SCART1: variants seen among roughly 807,000 people sequenced by gnomAD.
The protein encoded by SCART1 is scavenger receptor cysteine-rich domain-containing protein SCART1.
A neutral mutation model predicts 36.2 loss-of-function variants in SCART1; 62 were observed. The observed-to-expected ratio is 1.71, with a 90% confidence interval of 1.40 to 2.12. The LOEUF is 2.12. SCART1 is among the 30% of genes most tolerant of loss of function. The probability of loss-of-function intolerance (pLI) is 0.00; values close to 1 mark genes in which losing one functional copy is unlikely to be tolerated. For missense variants in SCART1, 1,041 were observed against 540.5 expected (o/e 1.93, Z -9.18); for synonymous variants, 487 against 238.7 (o/e 2.04, Z -9.59).
intron 2 of SCART1, 131 bp downstream of exon 2, chr10:133,456,685 G>T: frequency 1.7e-6 from 1 of 588,296 alleles, no homozygotes; most frequent in Non-Finnish European, 3.0e-6. Context: ...GAGGCTGTGG[G>T]TCTGGAGCTC....
At chr10:133,454,661 T>C (rs1589932587) in intron 1 of SCART1, among the ~76,000 whole-genome samples, 2 of 151,608 alleles carry the variant, frequency 1.3e-5, no homozygotes, top group Non-Finnish European at 2.9e-5. Context: ...ATGATGTGAG[T>C]GTGGGGCTGG....
At chr10:133,457,302 C>A (rs1192882702) in exon 3 of SCART1, 3 of 700,820 alleles carry the variant, frequency 4.3e-6, no homozygotes, top group Non-Finnish European at 5.2e-6. Flanking sequence ...GGAGCTCCGG[C>A]TGGTGAAGGG....
In SCART1 at chr10:133,459,284, C is replaced by G. The variant is rs1176279628; in HGVS notation, c.1243C>G (p.Pro415Ala). ...TTGCCCAGTAAGCACCCTGGGGGCC[C>G]CGGCCTGTGCCCCGGGAAACACAGC... The change falls in exon 5 of 12, where the codon CCG becomes GCG. Residue 415 changes from proline to alanine, a missense_variant. Pro to Ala is a conservative substitution (Grantham distance 27). Coordinates refer to ENST00000640237, the Ensembl canonical transcript of SCART1. 9.2e-6 allele frequency: 6 copies of G among 651,312 alleles called. No homozygotes were observed. In the African/African-American group the frequency reaches 1.1e-4, roughly 12 times the overall value. The allele number at this position is 651,312 out of a possible 1,614,324, so 40.3% of individuals were successfully genotyped here.
chr10:133,454,992 C>A (rs776563536), intron 1 of SCART1, among the ~76,000 whole-genome samples: 30 of 152,236 alleles, frequency 2.0e-4, no homozygotes, highest in Admixed American at 7.2e-4. Context: ...TCATAGCGGG[C>A]GTGGTGGCTT....
intron 1 of SCART1, among the ~76,000 whole-genome samples, chr10:133,455,855 G>A (rs963574162): frequency 6.6e-6 from 1 of 152,068 alleles, no homozygotes; most frequent in African/African-American, 2.4e-5. Flanking sequence ...CGTGGGTGGG[G>A]CAGGTGTGAC....
At chr10:133,456,368 A>G in exon 2 of SCART1, 2 of 702,920 alleles carry the variant, frequency 2.8e-6, no homozygotes, top group Non-Finnish European at 5.2e-6. Context: ...TGTCGTGTGC[A>G]GGCAGCTGGG....
exon 3 of SCART1, chr10:133,457,384 T>C: frequency 1.4e-6 from 1 of 701,582 alleles, no homozygotes; most frequent in South Asian, 1.5e-5. Flanking sequence ...GTCCTGCATG[T>C]GGAGGAGGCC....
At chr10:133,465,858 C>T in intron 9 of SCART1, 1 of 691,798 alleles carries the variant, frequency 1.4e-6, no homozygotes, top group South Asian at 1.5e-5. Flanking sequence ...GTTCCCTGCA[C>T]CTCATTCTCT....
chr10:133,456,362 G>T (rs377505334), exon 2 of SCART1: 8 of 702,832 alleles, frequency 1.1e-5, no homozygotes, highest in East Asian at 5.4e-5. Context: ...GGCCTCTGTC[G>T]TGTGCAGGCA....
At chr10:133,466,981 C>T (rs1235171795) in intron 10 of SCART1, 1 of 472,964 alleles carries the variant, frequency 2.1e-6, no homozygotes, top group East Asian at 3.5e-5. Context: ...TTGGGGCCCA[C>T]TGGGAAGCAT....
At chr10:133,463,993 C>G (rs1168559158) in intron 6 of SCART1, among the ~76,000 whole-genome samples, 1 of 152,264 alleles carries the variant, frequency 6.6e-6, no homozygotes, top group African/African-American at 2.4e-5. Flanking sequence ...TTCCCAACCT[C>G]TAGTATCCTC....
intron 9 of SCART1, 104 bp downstream of exon 9, chr10:133,465,669 G>A: frequency 3.3e-6 from 2 of 603,480 alleles, no homozygotes; most frequent in Non-Finnish European, 5.9e-6. Context: ...TCGCCCAGGT[G>A]TTAGTGGGTT....
At chr10:133,468,895 A>T (rs182224165) in exon 12 of SCART1, 3 of 152,086 alleles carry the variant, frequency 2.0e-5, no homozygotes, top group African/African-American at 4.8e-5. Flanking sequence ...CTTTTATTGT[A>T]GTATTTCTGT....
chr10:133,456,317 G>A (rs961061672), exon 2 of SCART1: 9 of 702,868 alleles, frequency 1.3e-5, no homozygotes, highest in East Asian at 1.1e-4. Context: ...CGGGGCATGG[G>A]GATACGTGTG....
Position 133,455,286 on chromosome 10 carries a change from A to C in SCART1, c.68-951A>C, listed in dbSNP as rs150579509. On this transcript the variant is annotated intron_variant, in intron 1 of 11. Transcript: ENST00000640237. Reference sequence around the variant, plus strand: ...TTGTCTAAAAAAGAAAAAATTGCAGACACCAGCACGCATCCATGTCCTGAG... The same window carrying C: ...TTGTCTAAAAAAGAAAAAATTGCAGCCACCAGCACGCATCCATGTCCTGAG... 1.5e-3 allele frequency among the ~76,000 whole-genome samples: 233 copies of C among 152,170 alleles called. 4 individuals are homozygous for C. The highest frequency in any genetic ancestry group is 0.014 in the Middle Eastern group (4 of 294).
intron 5 of SCART1, 38 bp from the exon 6 acceptor site, chr10:133,459,449 C>T (rs750658608): frequency 6.5e-6 from 4 of 618,348 alleles, no homozygotes; most frequent in East Asian, 2.8e-5. Context: ...GGGTCCCTCC[C>T]GCTGACATCT....
At chr10:133,465,905 T>C (rs1049367911) in intron 9 of SCART1, 4 of 676,624 alleles carry the variant, frequency 5.9e-6, no homozygotes, top group Middle Eastern at 2.3e-4. Flanking sequence ...GTGATGACCT[T>C]AGCAAAAGCA....
chr10:133,460,416 G>T (rs1850683398), intron 6 of SCART1, among the ~76,000 whole-genome samples: 1 of 148,314 alleles, frequency 6.7e-6, no homozygotes, highest in Non-Finnish European at 1.5e-5. Flanking sequence ...GCCCCACCTG[G>T]GCTCATTTTC....
At chr10:133,469,470 A>G (rs2492653), downstream of SCART1, among the ~76,000 whole-genome samples, 112,720 of 152,010 alleles carry the variant, frequency 0.74, 43,726 homozygotes, top group South Asian at 0.89. Flanking sequence ...GGAAAACATC[A>G]TTCTCAGCAA....
Sources: allele counts gnomAD v4.1 joint callset (sites outside exome capture counted in the v4.1 genomes callset), GRCh38; gene constraint gnomAD v4.1.1; transcripts MANE v1.5; gene names NCBI Gene and HGNC (gene_info 2026-07-23, HGNC 2026-07-21).